Variants in LRRC37B observed in about 807,000 individuals in gnomAD.
LRRC37B encodes leucine rich repeat containing 37B.
A neutral mutation model predicts 98.3 loss-of-function variants in LRRC37B; 28 were observed. The observed-to-expected ratio is 0.28, with a 90% CI of 0.21 to 0.39. The LOEUF is 0.39. Among genes scored for constraint, LRRC37B ranks in the 10% least tolerant of loss-of-function variants. The pLI is 1.00. For missense variants in LRRC37B, 938 were observed against 1,182.7 expected, an observed-to-expected ratio of 0.79 and a Z score of 3.03; for synonymous variants, 364 against 442.7, an observed-to-expected ratio of 0.82 and a Z score of 2.23.
At chr17:32,018,595 C>T (rs1176959689), upstream of LRRC37B, among the ~76,000 whole-genome samples, 2 of 152,094 alleles carry the variant, frequency 1.3e-5, no homozygotes, top group Non-Finnish European at 2.9e-5. Flanking sequence ...TCTCCCCCGG[C>T]CCCAGGAGTA....
At chr17:32,022,256 A>C in exon 1 of LRRC37B, 1 of 1,613,926 alleles carries the variant, frequency 6.2e-7, no homozygotes. Context: ...AGGAGGCCCC[A>C]ATTCAGCCTC....
intron 1 of LRRC37B, among the ~76,000 whole-genome samples, chr17:32,013,718 G>GTGTGTGTGTT (rs1910589169): frequency 6.6e-6 from 1 of 150,894 alleles, no homozygotes; most frequent in African/African-American, 2.4e-5. Context: ...ATATGTGTGT[G>GTGTGTGTGTT]TGTGTGTGTG....
chr17:32,042,115 C>G (rs1489491944), intron 7 of LRRC37B: 1 of 308,230 alleles, frequency 3.2e-6, no homozygotes, highest in Admixed American at 4.7e-5. Context: ...CACTGTTTCC[C>G]TGGCCTGCTG....
chr17:32,012,542 C>G (rs1218164922), intron 1 of LRRC37B, among the ~76,000 whole-genome samples: 1 of 150,264 alleles, frequency 6.7e-6, no homozygotes, highest in Non-Finnish European at 1.5e-5. Context: ...CATGGCGAAA[C>G]CCCGTCTCTA....
chr17:32,022,235 C>A (rs752055803), exon 1 of LRRC37B: 1 of 1,612,886 alleles, frequency 6.2e-7, no homozygotes, highest in African/African-American at 1.3e-5. Flanking sequence ...CAGAATCTAC[C>A]CAAGCCCAGC....
intron 8 of LRRC37B, among the ~76,000 whole-genome samples, chr17:32,046,060 AG>A (rs568068978): frequency 3.9e-4 from 59 of 152,334 alleles, no homozygotes; most frequent in African/African-American, 1.1e-3. Flanking sequence ...AGAAATGGGA[AG>A]GCTAGGGAAT....
chr17:32,047,924 C>T (rs369192328), intron 9 of LRRC37B, 23 bp downstream of exon 12: 34 of 1,613,938 alleles, frequency 2.1e-5, no homozygotes, highest in African/African-American at 1.7e-4. Flanking sequence ...ACACCAATGA[C>T]GAGAGTGATG....
upstream of LRRC37B, chr17:32,020,855 C>T: frequency 9.1e-7 from 1 of 1,097,308 alleles, no homozygotes; most frequent in Non-Finnish European, 1.2e-6. Flanking sequence ...CACCCCACCC[C>T]ACCACAGCAG....
At chr17:32,021,870 C>A (rs144111201) in exon 1 of LRRC37B, 40 of 1,614,012 alleles carry the variant, frequency 2.5e-5, no homozygotes, top group South Asian at 8.8e-5. Flanking sequence ...TCCAGAACTC[C>A]GGGTGAACGC....
chr17:32,047,943 G>A (rs1465926152), intron 9 of LRRC37B, 42 bp downstream of exon 12: 1 of 1,614,068 alleles, frequency 6.2e-7, no homozygotes. Context: ...TGTTAGCAGT[G>A]CACTAAGTTA....
chr17:32,053,220 T>C, intron 11 of LRRC37B, 46 bp from the exon 15 acceptor site: 1 of 1,310,494 alleles, frequency 7.6e-7, no homozygotes, highest in Non-Finnish European at 1.1e-6. Context: ...TTGGAGATAG[T>C]GGTTGTTGTG....
At chr17:32,043,861 AG>A (rs1454322487) in intron 7 of LRRC37B, among the ~76,000 whole-genome samples, 1 of 92,824 alleles carries the variant, frequency 1.1e-5, no homozygotes, top group Non-Finnish European at 2.3e-5. Flanking sequence ...ATCCTTTTAG[AG>A]GACTCAAAAG....
chr17:32,017,701 A>C (rs1910676134), upstream of LRRC37B, among the ~76,000 whole-genome samples: 1 of 152,128 alleles, frequency 6.6e-6, no homozygotes, highest in African/African-American at 2.4e-5. Flanking sequence ...CTGAGGCAAG[A>C]AGATCACTTG....
chr17:32,021,519 C>T (rs749254534), exon 1 of LRRC37B: 22 of 1,613,932 alleles, frequency 1.4e-5, no homozygotes, highest in Non-Finnish European at 1.7e-5. Context: ...AAATGACAAG[C>T]GGACTCCAGA....
At chr17:32,012,675 C>T (rs1910560812) in intron 1 of LRRC37B, among the ~76,000 whole-genome samples, 1 of 151,950 alleles carries the variant, frequency 6.6e-6, no homozygotes, top group Non-Finnish European at 1.5e-5. Flanking sequence ...GAGATCACAC[C>T]ACTGCATCCC....
upstream of LRRC37B, chr17:32,020,848 C>A (rs1333880494): frequency 9.8e-7 from 1 of 1,017,302 alleles, no homozygotes; most frequent in Non-Finnish European, 1.3e-6. Flanking sequence ...CCCACCCCAC[C>A]CCACCCCACC....
exon 1 of LRRC37B, chr17:32,021,485 G>A (rs149234287): frequency 3.0e-5 from 49 of 1,613,986 alleles, no homozygotes; most frequent in African/African-American, 8.0e-5. Flanking sequence ...GGCCAGAGCC[G>A]TTCTTGGCTG....
At chr17:32,013,132 C>G (rs1910572954) in intron 1 of LRRC37B, among the ~76,000 whole-genome samples, 1 of 151,882 alleles carries the variant, frequency 6.6e-6, no homozygotes, top group Non-Finnish European at 1.5e-5. Flanking sequence ...CTTTCCCTAC[C>G]CTTTTGCTTT....
intron 8 of LRRC37B, among the ~76,000 whole-genome samples, chr17:32,046,332 C>T (rs1321554611): frequency 2.0e-5 from 3 of 152,220 alleles, no homozygotes; most frequent in African/African-American, 7.2e-5. Context: ...CTACCTGGCT[C>T]TTCTATTGGA....
Sources: allele counts gnomAD v4.1 joint callset (sites outside exome capture counted in the v4.1 genomes callset), GRCh38; gene constraint gnomAD v4.1.1; transcripts MANE v1.5; gene names NCBI Gene and HGNC (gene_info 2026-07-23, HGNC 2026-07-21).